SDK2: variants seen among roughly 807,000 people sequenced by gnomAD.
SDK2 encodes the protein sidekick cell adhesion molecule 2.
A neutral mutation model predicts 253.9 loss-of-function variants in SDK2; 105 were observed. The observed-to-expected ratio is 0.41, with a 90% CI of 0.35 to 0.49. SDK2 has a LOEUF of 0.49. Among genes scored for constraint, SDK2 ranks in the 20% least tolerant of loss-of-function variants. The pLI, the probability that SDK2 is intolerant of heterozygous loss-of-function variation, is 0.06. For synonymous variants in SDK2, 1,249 were observed against 1,234.9 expected, an observed-to-expected ratio of 1.01 and a Z score of -0.24; for missense variants, 2,608 against 3,003.0, an observed-to-expected ratio of 0.87 and a Z score of 3.07.
intron 1 of SDK2, among the ~76,000 whole-genome samples, chr17:73,508,495 A>G (rs1446879406): frequency 6.6e-6 from 1 of 152,148 alleles, no homozygotes; most frequent in Non-Finnish European, 1.5e-5. Flanking sequence ...TCCGTCAAGG[A>G]GATACCTGCC....
intron 40 of SDK2, chr17:73,357,870 G>A (rs763348408): frequency 2.2e-5 from 16 of 741,916 alleles, no homozygotes; most frequent in African/African-American, 5.2e-5. Context: ...CGTTCTCTGG[G>A]GGCCTCCTGG....
intron 3 of SDK2, among the ~76,000 whole-genome samples, chr17:73,459,386 G>A (rs1042995685): frequency 6.6e-6 from 1 of 152,136 alleles, no homozygotes; most frequent in African/African-American, 2.4e-5. Flanking sequence ...TCTGACCCTA[G>A]ACAACCTTTC....
chr17:73,572,402 G>A (rs1169393844), intron 1 of SDK2, among the ~76,000 whole-genome samples: 15 of 151,924 alleles, frequency 9.9e-5, no homozygotes, highest in Admixed American at 8.5e-4. Flanking sequence ...TGCCTGGAGC[G>A]CTCCGACCCC....
rs1599610903 is a variant in SDK2, at chr17:73,485,430, G to A, written c.225-13212C>T. On this transcript the variant is annotated intron_variant, in intron 2 of 44. Coordinates refer to ENST00000392650, the MANE Select transcript of SDK2 (RefSeq NM_001144952.2). ...GTGGTGCTGGCCAGAGAAAGAGCCTGGCTGGGATAACGGGGAGGCTGGACT... is the reference window on the plus strand; with the variant it reads ...GTGGTGCTGGCCAGAGAAAGAGCCTAGCTGGGATAACGGGGAGGCTGGACT... Among the ~76,000 whole-genome samples, 4 of 152,194 alleles carry A rather than the reference G, an allele frequency of 2.6e-5. No individual in the cohort carries two copies. The East Asian group carries it at 5.8e-4, about 22-fold the overall frequency.
chr17:73,421,871 T>C (rs1215188122), intron 15 of SDK2, among the ~76,000 whole-genome samples: 2 of 152,154 alleles, frequency 1.3e-5, no homozygotes, highest in African/African-American at 4.8e-5. Context: ...ATTTCCATCA[T>C]TTTATAAAAG....
At chr17:73,576,288 G>A (rs1193249140) in intron 1 of SDK2, among the ~76,000 whole-genome samples, 1 of 152,012 alleles carries the variant, frequency 6.6e-6, no homozygotes, top group Non-Finnish European at 1.5e-5. Context: ...GATGGGAAGG[G>A]TGTCCCCAAG....
intron 44 of SDK2, among the ~76,000 whole-genome samples, chr17:73,339,521 AAATTT>A (rs1431173351): frequency 2.8e-5 from 2 of 70,198 alleles, no homozygotes; most frequent in Non-Finnish European, 4.5e-5. Flanking sequence ...TATCCCTGGC[AAATTT>A]TATTTTCTTT....
Position 73,397,762 on chromosome 17 carries a change from C to T in SDK2, c.3354+273G>A, listed in dbSNP as rs532356149. Among the ~76,000 whole-genome samples, 19 of 152,302 alleles carry T rather than the reference C, an allele frequency of 1.2e-4. No individual in the cohort carries two copies. The South Asian group carries it at 2.1e-3, about 17-fold the overall frequency. On this transcript the variant is annotated intron_variant, in intron 24 of 44. Transcript: ENST00000392650. ...CTGTAAATTGGGATGATCATGTATC[C>T]TTTGTAAGATTATTGGGAGAATCAA...
chr17:73,617,213 G>A (rs1246593576), intron 1 of SDK2, among the ~76,000 whole-genome samples: 2 of 147,746 alleles, frequency 1.4e-5, no homozygotes, highest in Non-Finnish European at 3.0e-5. Flanking sequence ...CTGCAGAGAG[G>A]AGGGGAGAGG....
intron 12 of SDK2, among the ~76,000 whole-genome samples, chr17:73,428,764 C>A (rs947452456): frequency 6.6e-6 from 1 of 152,106 alleles, no homozygotes; most frequent in Non-Finnish European, 1.5e-5. Flanking sequence ...ATGTCCCCGT[C>A]CCCCCAGTCC....
chr17:73,556,762 G>C (rs1046622001), intron 1 of SDK2, among the ~76,000 whole-genome samples: 1 of 152,140 alleles, frequency 6.6e-6, no homozygotes, highest in South Asian at 2.1e-4. Context: ...ACAAATTCTG[G>C]AGCCAGACCA....
Position 73,438,087 on chromosome 17 carries a change from G to C in SDK2, c.793C>G (p.His265Asp). The C allele has an allele frequency of 6.4e-7, 1 of 1,551,640 alleles. No homozygotes were observed. Among genetic ancestry groups the C allele is most frequent in the Non-Finnish European group, 8.7e-7 (1 of 1,146,986 alleles). Residue 265 changes from histidine (H) to aspartate (D), a missense_variant, in exon 7 of 45, where the codon CAC (histidine) becomes GAC (aspartate). Physicochemically the swap from His to Asp is moderately conservative, Grantham distance 81. Coordinates refer to ENST00000392650, the MANE Select transcript of SDK2 (RefSeq NM_001144952.2). ...GVLLSGGISD[H>D]NRRLTIPNPT... The stretch of plus-strand genomic sequence containing the variant: ...TTGGGGATGGTGAGCCGGCGGTTGT[G>C]GTCACTGATGCCGCCCGACAGCAAT...
At chr17:73,387,712 T>C (rs2062884692) in intron 30 of SDK2, 124 bp downstream of exon 30, 4 of 815,870 alleles carry the variant, frequency 4.9e-6, no homozygotes, top group Admixed American at 2.8e-5. Flanking sequence ...GGGTGGTGCA[T>C]GTAGGAGGAG....
Position 73,435,773 on chromosome 17 carries a change from C to T in SDK2, c.1001-129G>A, listed in dbSNP as rs2063363837. 3 of 809,596 alleles carry T rather than the reference C, an allele frequency of 3.7e-6. No homozygotes were observed. Among genetic ancestry groups the T allele is most frequent in the Admixed American group, 2.9e-5 (1 of 34,810 alleles). The allele number at this position is 809,596 out of a possible 1,614,324, so 50.2% of individuals were successfully genotyped here. On this transcript the variant is annotated intron_variant, in intron 8 of 44. Coordinates refer to ENST00000392650, the MANE Select transcript of SDK2 (RefSeq NM_001144952.2). The surrounding 1 kb of genome is among the most constrained non-coding windows in gnomAD (Gnocchi z 5.7). ...CCTGGTGAATCTTGGTGTCTAGAAC[C>T]TTCTCAGAGGTGCCACTTTGGGTCT... is the stretch of plus-strand genomic sequence containing the variant.
At chr17:73,419,547 T>G (rs926860990) in intron 15 of SDK2, among the ~76,000 whole-genome samples, 1 of 151,916 alleles carries the variant, frequency 6.6e-6, no homozygotes, top group Non-Finnish European at 1.5e-5. Flanking sequence ...ATAGTCTCTG[T>G]GTATATGTGG....
chr17:73,409,232 G>A (rs1460541619), intron 18 of SDK2, among the ~76,000 whole-genome samples: 6 of 152,190 alleles, frequency 3.9e-5, no homozygotes, highest in African/African-American at 1.4e-4. Context: ...TATAATGCCA[G>A]CACTTTGGGA....
chr17:73,482,816 G>C (rs563127567), intron 2 of SDK2, among the ~76,000 whole-genome samples: 2 of 152,230 alleles, frequency 1.3e-5, no homozygotes, highest in Non-Finnish European at 2.9e-5. Context: ...CTGGGTGAGC[G>C]GGACTCCCAC....
At chr17:73,486,836 G>A (rs1034056566) in intron 2 of SDK2, among the ~76,000 whole-genome samples, 1 of 152,138 alleles carries the variant, frequency 6.6e-6, no homozygotes, top group Non-Finnish European at 1.5e-5. Context: ...AGGGAGGGGC[G>A]GTGGGCTGGC....
chr17:73,451,415 A>G (rs2063489052), intron 4 of SDK2, among the ~76,000 whole-genome samples: 1 of 152,170 alleles, frequency 6.6e-6, no homozygotes. Context: ...GAGGCAGGAG[A>G]ATTGCTTGAA....
Sources: gnomAD v4.1 joint callset for allele counts (sites outside exome capture counted in the v4.1 genomes callset) on GRCh38, gnomAD v4.1.1 for gene constraint, Gnocchi (gnomAD v3.1) non-coding constraint, MANE v1.5 for transcripts, NCBI Gene and HGNC (gene_info 2026-07-23, HGNC 2026-07-21) for gene names.